BIN1: variants seen among roughly 807,000 people sequenced by gnomAD.
The protein encoded by BIN1 is myc box-dependent-interacting protein 1.
Under a neutral mutation model 82.0 loss-of-function variants are expected in BIN1, and 53 were observed. The ratio of observed to expected loss-of-function variants is 0.65; its 90% CI spans 0.52 to 0.81. The LOEUF (loss-of-function observed/expected upper bound fraction) is 0.81, where lower values mean the gene tolerates loss of function less well. Ranked by LOEUF, BIN1 falls within the 40% of genes least tolerant of loss-of-function variation. The probability of loss-of-function intolerance (pLI) is 0.00; values close to 1 mark genes in which losing one functional copy is unlikely to be tolerated. For synonymous variants in BIN1, 302 were observed against 328.0 expected (o/e 0.92, Z 0.86); for missense variants, 642 against 784.4 (o/e 0.82, Z 2.17).
chr2:127,052,374 C>A lies in BIN1; in HGVS notation c.1264-12G>T, dbSNP rs765093822. 6.4e-6 allele frequency: 10 copies of A among 1,567,902 alleles called. No homozygotes were observed. Among genetic ancestry groups the A allele is most frequent in the South Asian group, 1.2e-5 (1 of 85,436 alleles). ...GGACTCTCTGTGGGCTGGTAACAGGCCACGAGGAGAGAACAGGGAGGGGGC... is the reference window on the plus strand; with the variant it reads ...GGACTCTCTGTGGGCTGGTAACAGGACACGAGGAGAGAACAGGGAGGGGGC... On this transcript the variant is annotated splice_polypyrimidine_tract_variant and intron_variant, in intron 14 of 18. Transcript: ENST00000316724.
chr2:127,075,463 T>A (rs57129051), intron 2 of BIN1, among the ~76,000 whole-genome samples: 1 of 152,150 alleles, frequency 6.6e-6, no homozygotes, highest in Non-Finnish European at 1.5e-5. Context: ...TGGGAAGGAA[T>A]TGCCCAGAGC....
At position 127,067,690 on chromosome 2, in the gene BIN1, C is replaced by T. The variant is rs1325928113; in HGVS notation, c.612+473G>A. On this transcript the variant is annotated intron_variant, in intron 7 of 18. Transcript: ENST00000316724. This position sits in a 1 kb window ranked among gnomAD's most constrained non-coding sequence, Gnocchi z 4.7. Reference sequence around the variant, plus strand: ...GGAGAGCCCCAACCCTGCCCCTAACCGGCTCTGGGGCCCTGGGAGGAGGCT... The same window carrying T: ...GGAGAGCCCCAACCCTGCCCCTAACTGGCTCTGGGGCCCTGGGAGGAGGCT... Among the ~76,000 whole-genome samples the T allele has an allele frequency of 2.0e-5, 3 of 152,192 alleles. No individual in the cohort carries two copies. Among genetic ancestry groups the T allele is most frequent in the Admixed American group, 6.5e-5 (1 of 15,278 alleles).
At chr2:127,105,409 C>A (rs981439553) in intron 1 of BIN1, among the ~76,000 whole-genome samples, 4 of 151,926 alleles carry the variant, frequency 2.6e-5, no homozygotes, top group Non-Finnish European at 5.9e-5. Context: ...CTGCCACCCC[C>A]CCACCCCACA....
chr2:127,094,338 C>T (rs568861907), intron 1 of BIN1, among the ~76,000 whole-genome samples: 3 of 152,352 alleles, frequency 2.0e-5, no homozygotes, highest in Non-Finnish European at 4.4e-5. Flanking sequence ...TGCCAATTCA[C>T]TTGGCACTGT....
intron 1 of BIN1, among the ~76,000 whole-genome samples, chr2:127,086,457 C>T (rs1331172808): frequency 1.3e-5 from 2 of 152,016 alleles, no homozygotes; most frequent in African/African-American, 4.8e-5. Context: ...ACCGGGAAGA[C>T]ATTCCTCCCA....
chr2:127,069,723 TC>T (rs1377153621), intron 5 of BIN1, among the ~76,000 whole-genome samples: 1 of 134,076 alleles, frequency 7.5e-6, no homozygotes, highest in East Asian at 2.1e-4. Context: ...AGCCAGCCAC[TC>T]CGCAGCAACA....
Position 127,082,752 on chromosome 2 carries a change from C to T in BIN1, c.85-6046G>A, listed in dbSNP as rs1021928481. On this transcript the variant is annotated intron_variant, in intron 1 of 18. Coordinates refer to ENST00000316724, the MANE Select transcript of BIN1 (RefSeq NM_139343.3). The surrounding 1 kb of genome is among the most constrained non-coding windows in gnomAD (Gnocchi z 6.1). The stretch of plus-strand genomic sequence containing the variant: ...AACCAGACACACAGGACCCCTCTCC[C>T]GGCTGCTGCTCACACCTCCCCATCC... Among the ~76,000 whole-genome samples the T allele has an allele frequency of 6.6e-5, 10 of 152,220 alleles. No individual in the cohort carries two copies. Among genetic ancestry groups the T allele is most frequent in the African/African-American group, 2.2e-4 (9 of 41,508 alleles).
chr2:127,104,691 C>T (rs559371479), intron 1 of BIN1, among the ~76,000 whole-genome samples: 9 of 152,194 alleles, frequency 5.9e-5, no homozygotes, highest in Non-Finnish European at 1.2e-4. Flanking sequence ...TTAGAGGCGG[C>T]ACTGATCACC....
Position 127,059,989 on chromosome 2 carries a change from G to T in BIN1, c.858-834C>A, listed in dbSNP as rs1573586520. 6.6e-6 allele frequency among the ~76,000 whole-genome samples: 1 copy of T among 152,138 alleles called. No individual in the cohort carries two copies. Among genetic ancestry groups the T allele is most frequent in the South Asian group, 2.1e-4 (1 of 4,822 alleles). ...AATTTACGTGTAATTCAAATGAAAA[G>T]TTCCGCTGCCCGGTCACACTGGCCA... On this transcript the variant is annotated intron_variant, in intron 10 of 18. Coordinates refer to ENST00000316724, the MANE Select transcript of BIN1 (RefSeq NM_139343.3). The surrounding 1 kb of genome is among the most constrained non-coding windows in gnomAD (Gnocchi z 6.7).
intron 1 of BIN1, among the ~76,000 whole-genome samples, chr2:127,083,078 CTT>C (rs112344101): frequency 1.1e-4 from 16 of 142,872 alleles, no homozygotes; most frequent in African/African-American, 3.1e-4. Flanking sequence ...TTGCTTTTTT[CTT>C]TTTTTTTTTT....
intron 1 of BIN1, among the ~76,000 whole-genome samples, chr2:127,097,074 G>A (rs868485231): frequency 6.6e-6 from 1 of 152,158 alleles, no homozygotes; most frequent in African/African-American, 2.4e-5. Context: ...CTCCCCACTC[G>A]GGGGTCTGTC....
Position 127,081,509 on chromosome 2 carries a change from CCA to C in BIN1, c.85-4805_85-4804del, listed in dbSNP as rs576813988. Among the ~76,000 whole-genome samples the C allele has an allele frequency of 3.3e-5, 5 of 152,228 alleles. No individual in the cohort carries two copies. In the South Asian group the frequency reaches 1.0e-3, roughly 32 times the overall value. On this transcript the variant is annotated intron_variant, in intron 1 of 18. Coordinates refer to ENST00000316724, the MANE Select transcript of BIN1 (RefSeq NM_139343.3). ...CCTGCTGCACTTGCGGGACACACAC[CCA>C]CAGTCTGAATGGCATGGCCCAGGGC...
chr2:127,057,716 C>A lies in BIN1; in HGVS notation c.1003-115G>T. The A allele has an allele frequency of 7.6e-7, 1 of 1,311,112 alleles. No individual in the cohort carries two copies. The highest frequency in any genetic ancestry group is 1.7e-5 in the South Asian group (1 of 58,568). 81.2% of individuals were successfully genotyped at this position (1,311,112 alleles called of 1,614,324 possible). A position where few individuals can be genotyped will look rare whatever the true frequency, so the allele number is the denominator to read the frequency against. On this transcript the variant is annotated intron_variant, in intron 11 of 18. Coordinates refer to ENST00000316724, the MANE Select transcript of BIN1 (RefSeq NM_139343.3). This position sits in a 1 kb window ranked among gnomAD's most constrained non-coding sequence, Gnocchi z 5.0. The stretch of plus-strand genomic sequence containing the variant: ...AGTCACACCTCAGGCCACAGTCCCA[C>A]CCAGGCCACTGAGCAGGACGCAGCA...
chr2:127,105,559 G>T (rs1680986747), intron 1 of BIN1, among the ~76,000 whole-genome samples: 1 of 151,018 alleles, frequency 6.6e-6, no homozygotes, highest in Non-Finnish European at 1.5e-5. Flanking sequence ...CTTGGCTGAG[G>T]GCCCTTCCTT....
intron 1 of BIN1, among the ~76,000 whole-genome samples, chr2:127,105,203 G>C (rs1247379700): frequency 6.6e-6 from 1 of 152,208 alleles, no homozygotes; most frequent in African/African-American, 2.4e-5. Flanking sequence ...GACACACCAA[G>C]AGCCTTGGGG....
chr2:127,069,818 A>G (rs1194857609), intron 5 of BIN1, among the ~76,000 whole-genome samples, 177 bp downstream of exon 5: 2 of 152,102 alleles, frequency 1.3e-5, no homozygotes, highest in Admixed American at 6.5e-5. Context: ...CAGGAAAGGA[A>G]TGGGGGGCCG....
intron 12 of BIN1, chr2:127,054,316 A>C (rs1156987785): frequency 2.4e-6 from 1 of 420,618 alleles, no homozygotes; most frequent in African/African-American, 2.0e-5. Flanking sequence ...CGTGGCCGCC[A>C]CCCCGCAGGG....
chr2:127,105,732 TG>T (rs1180271270), intron 1 of BIN1, among the ~76,000 whole-genome samples: 2 of 152,140 alleles, frequency 1.3e-5, no homozygotes, highest in Non-Finnish European at 2.9e-5. Flanking sequence ...CAAAAGTCAT[TG>T]TTTATAAACA....
intron 7 of BIN1, among the ~76,000 whole-genome samples, chr2:127,064,599 A>G (rs1331797867): frequency 6.6e-6 from 1 of 152,130 alleles, no homozygotes; most frequent in East Asian, 1.9e-4. Context: ...ACCTGTCCCC[A>G]CCAGAGGGAG....
Sources: gnomAD v4.1 joint callset for allele counts (sites outside exome capture counted in the v4.1 genomes callset) on GRCh38, gnomAD v4.1.1 for gene constraint, Gnocchi (gnomAD v3.1) non-coding constraint, MANE v1.5 for transcripts, NCBI Gene and HGNC (gene_info 2026-07-23, HGNC 2026-07-21) for gene names.